Variants in CEP128 observed in about 807,000 individuals in gnomAD.
CEP128 encodes centrosomal protein 128kDa.
CEP128 carries 132 observed loss-of-function variants against 156.7 expected under a neutral mutation model. The ratio of observed to expected loss-of-function variants is 0.84; its 90% confidence interval spans 0.73 to 0.97. The LOEUF (loss-of-function observed/expected upper bound fraction) is 0.97, where lower values mean the gene tolerates loss of function less well. CEP128 is among the 50% of genes least tolerant of loss of function. The pLI, the probability that CEP128 is intolerant of heterozygous loss-of-function variation, is 0.00. For synonymous variants in CEP128, 469 were observed against 448.9 expected, an observed-to-expected ratio of 1.04 and a Z score of -0.57; for missense variants, 1,252 against 1,281.9, an observed-to-expected ratio of 0.98 and a Z score of 0.36.
At chr14:80,716,706 A>G (rs896876494) in intron 19 of CEP128, among the ~76,000 whole-genome samples, 1 of 152,210 alleles carries the variant, frequency 6.6e-6, no homozygotes, top group Non-Finnish European at 1.5e-5. Flanking sequence ...GCTGCTATGT[A>G]CATGCGTGTA....
At chr14:80,501,431 T>G (rs1204443697) in intron 24 of CEP128, among the ~76,000 whole-genome samples, 1 of 152,194 alleles carries the variant, frequency 6.6e-6, no homozygotes, top group African/African-American at 2.4e-5. Context: ...TAGAATTTTA[T>G]ATAATGGAAT....
chr14:80,883,161 T>TA (rs1249932413), intron 8 of CEP128, among the ~76,000 whole-genome samples: 3 of 152,084 alleles, frequency 2.0e-5, no homozygotes, highest in Admixed American at 1.3e-4. Flanking sequence ...CATGTACCTG[T>TA]AAGTATATAC....
rs7160694 is a variant in CEP128 at position 80,916,501 on chromosome 14, C to A, written c.47G>T (p.Arg16Leu). ...TGATCTGGCAGCCCATGGACTCAAT[C>A]GGTCACGACAGCGGAAGTGATCTGA... is the stretch of plus-strand genomic sequence containing the variant. ...SESDHFRCRDRLSPWAARSTH... is the reference protein window; with the variant it reads ...SESDHFRCRDLLSPWAARSTH... Residue 16 changes from arginine (R) to leucine (L), a missense_variant, in exon 3 of 25, where the codon CGA (arginine) becomes CTA (leucine). Coordinates refer to ENST00000555265, the MANE Select transcript of CEP128 (RefSeq NM_152446.5). 0.059 allele frequency: 95,259 copies of A among 1,613,654 alleles called. 3,087 individuals are homozygous for A. Among genetic ancestry groups the A allele is most frequent in the Non-Finnish European group, 0.064 (75,215 of 1,179,654 alleles).
intron 14 of CEP128, among the ~76,000 whole-genome samples, chr14:80,483,111 G>A (rs1887089564): frequency 6.6e-6 from 1 of 152,144 alleles, no homozygotes; most frequent in South Asian, 2.1e-4. Context: ...AACAACTGAT[G>A]TTATTTATCA....
chr14:80,901,721 C>T (rs949803479), intron 6 of CEP128, among the ~76,000 whole-genome samples: 2 of 152,188 alleles, frequency 1.3e-5, no homozygotes, highest in Admixed American at 1.3e-4. Context: ...ATCTAATTTT[C>T]AAGACCTTTC....
intron 14 of CEP128, among the ~76,000 whole-genome samples, chr14:80,788,817 A>AT (rs1901556625): frequency 6.6e-6 from 1 of 152,040 alleles, no homozygotes; most frequent in Non-Finnish European, 1.5e-5. Flanking sequence ...ATAAACTTGA[A>AT]TTTTTTCTGC....
intron 13 of CEP128, among the ~76,000 whole-genome samples, chr14:80,822,254 C>T (rs1885226636): frequency 6.6e-6 from 1 of 152,150 alleles, no homozygotes; most frequent in Admixed American, 6.5e-5. Flanking sequence ...TCTCTTCCGC[C>T]CATAAGCCCG....
intron 20 of CEP128, 56 bp downstream of exon 20, chr14:80,580,318 A>G (rs1221602818): frequency 9.9e-6 from 11 of 1,105,826 alleles, no homozygotes; most frequent in African/African-American, 4.6e-5. Flanking sequence ...AAAGGATAAA[A>G]GAGTAAAAAA....
chr14:80,782,423 C>A (rs563339058), intron 15 of CEP128, among the ~76,000 whole-genome samples: 1 of 152,302 alleles, frequency 6.6e-6, no homozygotes, highest in Admixed American at 6.5e-5. Flanking sequence ...TGCCCACAAT[C>A]TTTGTTCTTC....
At chr14:80,877,845 C>T (rs1386783282) in intron 8 of CEP128, among the ~76,000 whole-genome samples, 1 of 152,182 alleles carries the variant, frequency 6.6e-6, no homozygotes. Flanking sequence ...AACAGTCTCA[C>T]AACAGTTGCC....
intron 9 of CEP128, among the ~76,000 whole-genome samples, chr14:80,857,853 C>T (rs902149141): frequency 3.3e-5 from 5 of 151,928 alleles, no homozygotes; most frequent in African/African-American, 1.2e-4. Context: ...GTCATACAAC[C>T]CATTTAAAAT....
intron 23 of CEP128, among the ~76,000 whole-genome samples, chr14:80,521,130 C>T (rs572918844): frequency 1.9e-3 from 295 of 151,620 alleles, no homozygotes; most frequent in Middle Eastern, 0.01. Flanking sequence ...TGAGCCACCA[C>T]ACCCGGCCTT....
chr14:80,540,081 C>G (rs1594969709), intron 21 of CEP128, among the ~76,000 whole-genome samples: 1 of 152,184 alleles, frequency 6.6e-6, no homozygotes, highest in East Asian at 1.9e-4. Context: ...AATGGTTCTG[C>G]TTTTTCCCTT....
chr14:80,940,513 ATT>A (rs58675563), intron 1 of CEP128, among the ~76,000 whole-genome samples: 2 of 148,942 alleles, frequency 1.3e-5, no homozygotes, highest in African/African-American at 2.5e-5. Flanking sequence ...GACTTAAAAT[ATT>A]TTTTTTTTTA....
intron 20 of CEP128, among the ~76,000 whole-genome samples, chr14:80,578,055 C>T (rs1401767893): frequency 6.6e-6 from 1 of 152,184 alleles, no homozygotes; most frequent in Non-Finnish European, 1.5e-5. Flanking sequence ...TTCTGCCAAC[C>T]TACCCTTACC....
At chr14:80,763,569 C>CA (rs1191536044) in intron 16 of CEP128, among the ~76,000 whole-genome samples, 1 of 152,186 alleles carries the variant, frequency 6.6e-6, no homozygotes, top group Non-Finnish European at 1.5e-5. Flanking sequence ...TAAGATGCTG[C>CA]ATTCTTTCTT....
At chr14:80,937,675 G>A (rs6574611) in intron 2 of CEP128, among the ~76,000 whole-genome samples, 60,612 of 151,712 alleles carry the variant, frequency 0.4, 12,370 homozygotes, top group South Asian at 0.51. Flanking sequence ...TACATTTTAC[G>A]AAAAAAGAAA....
intron 19 of CEP128, among the ~76,000 whole-genome samples, chr14:80,671,594 G>A (rs1020188977): frequency 6.6e-6 from 1 of 152,032 alleles, no homozygotes; most frequent in Non-Finnish European, 1.5e-5. Context: ...TCTTTTCTCT[G>A]TCAAGGACAA....
At chr14:80,555,125 ACTCTCT>A (rs1010038353) in intron 21 of CEP128, among the ~76,000 whole-genome samples, 2 of 151,934 alleles carry the variant, frequency 1.3e-5, no homozygotes, top group Admixed American at 1.3e-4. Context: ...GACTCCTCTT[ACTCTCT>A]CAAACTGTTA....
Sources: gnomAD v4.1 joint callset for allele counts (sites outside exome capture counted in the v4.1 genomes callset) on GRCh38, gnomAD v4.1.1 for gene constraint, MANE v1.5 for transcripts, NCBI Gene and HGNC (gene_info 2026-07-23, HGNC 2026-07-21) for gene names.